Variants in RHOT1 observed in about 807,000 individuals in gnomAD.
RHOT1 encodes ras homolog family member T1.
In RHOT1, 27 loss-of-function variants were observed where a neutral mutation model predicts 95.3. The observed-to-expected ratio is 0.28, with a 90% CI of 0.21 to 0.39. RHOT1 has a LOEUF of 0.39. RHOT1 is among the 10% of genes least tolerant of loss of function. The pLI is 1.00. For missense variants in RHOT1, 578 were observed against 786.7 expected (o/e 0.73, Z 3.17); for synonymous variants, 227 against 263.5 (o/e 0.86, Z 1.34).
intron 1 of RHOT1, among the ~76,000 whole-genome samples, chr17:32,149,635 A>ATATATATATATGTGTGTGTGTG (rs1445281403): frequency 1.7e-5 from 1 of 59,098 alleles, no homozygotes; most frequent in Non-Finnish European, 3.4e-5. Flanking sequence ...ATATATATAT[A>ATATATATATATGTGTGTGTGTG]TGTGTGTGTG....
chr17:32,151,245 G>A, intron 1 of RHOT1: 1 of 718,894 alleles, frequency 1.4e-6, no homozygotes, highest in Non-Finnish European at 2.6e-6. Flanking sequence ...TTATACTGTT[G>A]GCGGGTGAAT....
At chr17:32,205,634 A>G (rs1316763650) in intron 16 of RHOT1, among the ~76,000 whole-genome samples, 1 of 152,244 alleles carries the variant, frequency 6.6e-6, no homozygotes, top group Non-Finnish European at 1.5e-5. Context: ...ACACTATGAA[A>G]TACAGTAGAA....
chr17:32,158,016 CT>C (rs1321014020), intron 1 of RHOT1, among the ~76,000 whole-genome samples: 4 of 152,080 alleles, frequency 2.6e-5, no homozygotes, highest in Non-Finnish European at 4.4e-5. Context: ...AATCCAGGCC[CT>C]GCTAGTTTTT....
chr17:32,182,981 C>A, intron 7 of RHOT1, 116 bp downstream of exon 7: 1 of 795,044 alleles, frequency 1.3e-6, no homozygotes, highest in Non-Finnish European at 2.0e-6. Context: ...TGTGAAGTCA[C>A]GTAAACCAAA....
At chr17:32,205,171 C>T (rs760486075) in intron 16 of RHOT1, among the ~76,000 whole-genome samples, 1 of 151,950 alleles carries the variant, frequency 6.6e-6, no homozygotes, top group Non-Finnish European at 1.5e-5. Context: ...TCCCCTTGCC[C>T]CTCACCCCCT....
chr17:32,151,591 A>T (rs1028594256), intron 1 of RHOT1: 1 of 320,336 alleles, frequency 3.1e-6, no homozygotes, highest in African/African-American at 2.2e-5. Context: ...TTTTAAAAAA[A>T]GGAAATCATG....
Position 32,195,323 on chromosome 17 carries a change from A to G in RHOT1, c.869+1216A>G, listed in dbSNP as rs145963921. 4.2e-3 allele frequency among the ~76,000 whole-genome samples: 633 copies of G among 151,806 alleles called. 5 individuals are homozygous for G. The highest frequency in any genetic ancestry group is 5.6e-3 in the Non-Finnish European group (382 of 67,948). On this transcript the variant is annotated intron_variant, in intron 11 of 19. Transcript: ENST00000545287. ...GAAAAGCGGTCTCACTATATTTCCT[A>G]GGCTGATCTTGAACTCCTGGCCTCA...
intron 1 of RHOT1, among the ~76,000 whole-genome samples, chr17:32,165,960 G>C (rs746257597): frequency 1.3e-5 from 2 of 152,006 alleles, no homozygotes; most frequent in Non-Finnish European, 2.9e-5. Flanking sequence ...CAAGATGGGC[G>C]GATCTCCTGA....
intron 19 of RHOT1, among the ~76,000 whole-genome samples, chr17:32,213,321 T>G (rs2038255395): frequency 6.6e-6 from 1 of 152,234 alleles, no homozygotes. Context: ...CATTGTGTTA[T>G]TTGCAGATTT....
intron 6 of RHOT1, among the ~76,000 whole-genome samples, chr17:32,178,177 G>A (rs1346115317): frequency 6.6e-6 from 1 of 150,808 alleles, no homozygotes; most frequent in East Asian, 2.0e-4. Context: ...CTGGCCGGAA[G>A]AAACTACATG....
chr17:32,213,046 A>T (rs1340248549), intron 19 of RHOT1, among the ~76,000 whole-genome samples: 1 of 152,166 alleles, frequency 6.6e-6, no homozygotes, highest in Non-Finnish European at 1.5e-5. Flanking sequence ...TGTCTAGGGC[A>T]TGAATTAACT....
chr17:32,166,077 A>G (rs1354197081), intron 1 of RHOT1, among the ~76,000 whole-genome samples: 1 of 150,812 alleles, frequency 6.6e-6, no homozygotes, highest in African/African-American at 2.4e-5. Flanking sequence ...AATCTCAGCC[A>G]CTCGAGTGGC....
At chr17:32,217,109 T>C (rs563438790) in intron 19 of RHOT1, among the ~76,000 whole-genome samples, 2 of 152,350 alleles carry the variant, frequency 1.3e-5, no homozygotes, top group African/African-American at 4.8e-5. Context: ...TAAGTATCAC[T>C]AGTTAACATA....
At chr17:32,211,299 A>T (rs1195095052) in intron 19 of RHOT1, 61 bp downstream of exon 19, 3 of 1,476,526 alleles carry the variant, frequency 2.0e-6, no homozygotes, top group African/African-American at 2.8e-5. Flanking sequence ...AAAAAAGCGG[A>T]TAACTATTTA....
chr17:32,159,733 C>G (rs1377727572), intron 1 of RHOT1: 1 of 152,700 alleles, frequency 6.5e-6, no homozygotes, highest in Non-Finnish European at 1.5e-5. Context: ...CACTGGCGAG[C>G]ATGGGAGGGA....
At chr17:32,200,834 A>T in intron 13 of RHOT1, 122 bp from the exon 14 acceptor site, 1 of 635,062 alleles carries the variant, frequency 1.6e-6, no homozygotes, top group Non-Finnish European at 2.8e-6. Context: ...ATAGGAAATT[A>T]AAGTAGTCTA....
chr17:32,164,061 A>G (rs1424876321), intron 1 of RHOT1, among the ~76,000 whole-genome samples: 1 of 152,142 alleles, frequency 6.6e-6, no homozygotes, highest in Non-Finnish European at 1.5e-5. Flanking sequence ...AGGCTGAGGC[A>G]GGAGAATTGC....
At position 32,182,794 on chromosome 17, in the gene RHOT1, G is replaced by T. The variant is rs1468783666; in HGVS notation, c.367G>T (p.Val123Leu). The change falls in exon 7 of 20, where the codon GTG (valine) becomes TTG (leucine). Residue 123 changes from valine (V) to leucine (L), a missense_variant. Around this residue, in one of 4 missense-constraint regions of RHOT1, gnomAD observed 227 missense variants for 316.0 expected, o/e 0.72. Transcript: ENST00000545287. ...LILVGNKSDL[V>L]EYSSMETILP... The stretch of plus-strand genomic sequence containing the variant: ...ATTGGTTGGGAACAAATCTGATCTG[G>T]TGGAATATAGTAGTATGGAGACCAT... 1 of 1,607,788 alleles carries T rather than the reference G, an allele frequency of 6.2e-7. No homozygotes were observed. Among genetic ancestry groups the T allele is most frequent in the Admixed American group, 1.7e-5 (1 of 59,454 alleles).
chr17:32,214,361 C>G (rs1408433039), intron 19 of RHOT1, among the ~76,000 whole-genome samples: 83 of 152,322 alleles, frequency 5.4e-4, no homozygotes, highest in Non-Finnish European at 4.4e-5. Flanking sequence ...TTACAAGAGA[C>G]TGGAAATCAA....
Sources: gnomAD v4.1 joint callset for allele counts (sites outside exome capture counted in the v4.1 genomes callset) on GRCh38, gnomAD v4.1.1 for gene constraint, gnomAD v4.1.1 regional missense constraint, MANE v1.5 for transcripts, NCBI Gene and HGNC (gene_info 2026-07-23, HGNC 2026-07-21) for gene names.